The following LUZP2 variants were observed in gnomAD, a reference collection of about 807,000 sequenced individuals.
LUZP2 encodes the protein leucine zipper protein 2.
A neutral mutation model predicts 51.6 loss-of-function variants in LUZP2; 52 were observed. The ratio of observed to expected loss-of-function variants is 1.01; its 90% CI spans 0.81 to 1.27. The LOEUF is 1.27. LUZP2 is among the 50% of genes most tolerant of loss of function. The pLI is 0.00. For synonymous variants in LUZP2, 154 were observed against 137.3 expected (o/e 1.12, Z -0.85); for missense variants, 436 against 395.4 (o/e 1.10, Z -0.87).
chr11:24,643,415 A>G (rs958059255), intron 1 of LUZP2, among the ~76,000 whole-genome samples: 5 of 152,122 alleles, frequency 3.3e-5, no homozygotes, highest in African/African-American at 1.2e-4. Flanking sequence ...AAGCAAAATA[A>G]GAATTATTTG....
chr11:24,873,180 A>G (rs1852137449), intron 5 of LUZP2, among the ~76,000 whole-genome samples: 1 of 152,186 alleles, frequency 6.6e-6, no homozygotes, highest in Admixed American at 6.5e-5. Flanking sequence ...AGGCAACACA[A>G]GAAGAATAAA....
chr11:24,856,415 T>C (rs1222803568), intron 5 of LUZP2, among the ~76,000 whole-genome samples: 1 of 152,078 alleles, frequency 6.6e-6, no homozygotes, highest in Non-Finnish European at 1.5e-5. Flanking sequence ...ATGGCTATTA[T>C]TAAAAAGTCA....
intron 1 of LUZP2, among the ~76,000 whole-genome samples, chr11:24,524,881 C>T (rs1253545317): frequency 6.6e-6 from 1 of 151,688 alleles, no homozygotes; most frequent in African/African-American, 2.4e-5. Context: ...GAATATACTA[C>T]AGATGAAATG....
intron 1 of LUZP2, among the ~76,000 whole-genome samples, chr11:24,652,611 A>G (rs954477506): frequency 3.3e-4 from 50 of 152,286 alleles, no homozygotes; most frequent in African/African-American, 1.1e-3. Flanking sequence ...ATAATGCTAG[A>G]ATAATATTCA....
At chr11:24,709,248 G>A (rs1198019894) in intron 1 of LUZP2, among the ~76,000 whole-genome samples, 1 of 152,072 alleles carries the variant, frequency 6.6e-6, no homozygotes, top group Non-Finnish European at 1.5e-5. Flanking sequence ...CTACCAGTAA[G>A]GGAGAAGAAT....
intron 9 of LUZP2, among the ~76,000 whole-genome samples, chr11:25,029,061 A>G (rs4923230): frequency 0.58 from 88,150 of 151,998 alleles, 26,681 homozygotes; most frequent in African/African-American, 0.76. Flanking sequence ...AGAGAGTAGA[A>G]AAATGGCTAC....
At chr11:24,824,243 G>T (rs1427677874) in intron 5 of LUZP2, among the ~76,000 whole-genome samples, 1 of 151,304 alleles carries the variant, frequency 6.6e-6, no homozygotes, top group East Asian at 1.9e-4. Flanking sequence ...GCACATGCCT[G>T]TAATCCCAGC....
At chr11:24,826,806 T>G (rs575029926) in intron 5 of LUZP2, among the ~76,000 whole-genome samples, 6 of 152,274 alleles carry the variant, frequency 3.9e-5, no homozygotes, top group African/African-American at 4.8e-5. Context: ...AAGTTTACCT[T>G]GTTTATTTTA....
chr11:24,593,852 G>T (rs1386999497), intron 1 of LUZP2, among the ~76,000 whole-genome samples: 6 of 152,142 alleles, frequency 3.9e-5, no homozygotes, highest in Admixed American at 3.9e-4. Flanking sequence ...CCACCTTGAG[G>T]GAGTGACAAG....
rs1040762625 is a variant in LUZP2 at position 24,857,403 on chromosome 11, C to T, written c.397-48588C>T. Reference sequence around the variant, plus strand: ...AGTATAGTGTATGATACATTATAGACATTTAATAAATATTTTTATATAAAC... The same window carrying T: ...AGTATAGTGTATGATACATTATAGATATTTAATAAATATTTTTATATAAAC... On this transcript the variant is annotated intron_variant, in intron 5 of 11. Transcript: ENST00000336930. Among the ~76,000 whole-genome samples the T allele has an allele frequency of 1.3e-3, 191 of 150,452 alleles. 1 individual carries two copies. Among genetic ancestry groups the T allele is most frequent in the African/African-American group, 4.5e-3 (186 of 41,158 alleles).
chr11:24,601,748 C>T (rs1853643902), intron 1 of LUZP2, among the ~76,000 whole-genome samples: 2 of 150,726 alleles, frequency 1.3e-5, no homozygotes, highest in Admixed American at 1.3e-4. Context: ...GACACAATAC[C>T]TCAGAATCTC....
chr11:24,574,385 C>T (rs1280139557), intron 1 of LUZP2, among the ~76,000 whole-genome samples: 2 of 77,062 alleles, frequency 2.6e-5, no homozygotes, highest in African/African-American at 8.2e-5. Context: ...TTCTTTTCTT[C>T]TTTCTTTCAT....
intron 8 of LUZP2, among the ~76,000 whole-genome samples, chr11:24,977,086 A>G (rs1855900709): frequency 6.6e-6 from 1 of 151,790 alleles, no homozygotes; most frequent in Non-Finnish European, 1.5e-5. Flanking sequence ...ATTTATACTT[A>G]TCTATATTTA....
intron 8 of LUZP2, among the ~76,000 whole-genome samples, chr11:24,977,462 A>G (rs187728190): frequency 8.6e-5 from 13 of 151,752 alleles, no homozygotes; most frequent in African/African-American, 2.4e-4. Context: ...CATGGATACA[A>G]TTGCGTTTGG....
intron 5 of LUZP2, among the ~76,000 whole-genome samples, chr11:24,790,212 G>A (rs1456046528): frequency 6.6e-6 from 1 of 151,856 alleles, no homozygotes; most frequent in Non-Finnish European, 1.5e-5. Context: ...CCTTTTTACA[G>A]TAAAATGCTT....
chr11:24,562,850 A>T (rs1852093147), intron 1 of LUZP2, among the ~76,000 whole-genome samples: 3 of 139,788 alleles, frequency 2.1e-5, no homozygotes, highest in African/African-American at 7.9e-5. Flanking sequence ...TGACAGAGTG[A>T]GACTCCATCT....
intron 5 of LUZP2, among the ~76,000 whole-genome samples, chr11:24,806,436 C>T (rs952200590): frequency 3.9e-5 from 6 of 152,106 alleles, no homozygotes; most frequent in African/African-American, 9.7e-5. Context: ...GTAAACTATA[C>T]GCACCATCAA....
chr11:24,983,184 G>T lies in LUZP2; in HGVS notation c.656G>T (p.Arg219Leu), dbSNP rs141562546. 4 of 1,612,196 alleles carry T rather than the reference G, an allele frequency of 2.5e-6. No individual in the cohort carries two copies. Among genetic ancestry groups the T allele is most frequent in the East Asian group, 2.2e-5 (1 of 44,806 alleles). ...CAGCTCTGCTTGACATCTGTTTTCC[G>T]TGATCAGCCTCCTCCCCCTTTGAGT... The part of the protein sequence containing the change: ...TVQLCLTSVF[R>L]DQPPPPLSLI... Residue 219 changes from arginine (R) to leucine (L), a missense_variant, in exon 9 of 12, where the codon CGT (arginine) becomes CTT (leucine). Arg to Leu is a moderately radical substitution (Grantham distance 102). Transcript: ENST00000336930.
At chr11:25,036,650 A>G (rs1596851) in intron 9 of LUZP2, among the ~76,000 whole-genome samples, 71,572 of 151,616 alleles carry the variant, frequency 0.47, 17,373 homozygotes, top group Non-Finnish European at 0.51. Context: ...CATCCCAGAG[A>G]TCTGAGCAAG....
Sources: gnomAD v4.1 joint callset for allele counts (sites outside exome capture counted in the v4.1 genomes callset) on GRCh38, gnomAD v4.1.1 for gene constraint, MANE v1.5 for transcripts, NCBI Gene and HGNC (gene_info 2026-07-23, HGNC 2026-07-21) for gene names.